The following PIWIL1 variants were observed in gnomAD, a reference collection of about 807,000 sequenced individuals.
The protein encoded by PIWIL1 is piwi-like protein 1.
PIWIL1 carries 73 observed loss-of-function variants against 114.4 expected under a neutral mutation model. That is an observed-to-expected ratio of 0.64 (90% CI 0.53 to 0.78). The LOEUF (loss-of-function observed/expected upper bound fraction) is 0.78, where lower values mean the gene tolerates loss of function less well. Among genes scored for constraint, PIWIL1 ranks in the 30% least tolerant of loss-of-function variants. PIWIL1 has a pLI of 0.00. For missense variants in PIWIL1, 723 were observed against 1,063.1 expected, an observed-to-expected ratio of 0.68 and a Z score of 4.45; for synonymous variants, 375 against 369.0, an observed-to-expected ratio of 1.02 and a Z score of -0.19.
chr12:130,408,848 G>A, the PIWIL1 span, among the ~76,000 whole-genome samples: 1 of 152,328 alleles, frequency 6.6e-6, no homozygotes, highest in South Asian at 2.1e-4. Flanking sequence ...CAGCGATGTG[G>A]CTTTTCAGTG....
At chr12:130,354,384 A>T (rs770073691) in intron 9 of PIWIL1, among the ~76,000 whole-genome samples, 153 bp from the exon 10 acceptor site, 2 of 152,260 alleles carry the variant, frequency 1.3e-5, no homozygotes, top group Admixed American at 6.5e-5. Context: ...AATGTTAAAA[A>T]AAATGCCTTT....
chr12:130,374,542 C>A (rs1159133180), downstream of PIWIL1, among the ~76,000 whole-genome samples: 1 of 152,124 alleles, frequency 6.6e-6, no homozygotes, highest in East Asian at 1.9e-4. Context: ...TCTAGGCCAC[C>A]ATTCAAAGGA....
At chr12:130,380,640 T>G in the PIWIL1 span, among the ~76,000 whole-genome samples, 2 of 152,266 alleles carry the variant, frequency 1.3e-5, no homozygotes, top group Non-Finnish European at 1.5e-5. Flanking sequence ...AGCTGATTTC[T>G]TATGTCACAT....
At chr12:130,403,884 G>C in the PIWIL1 span, among the ~76,000 whole-genome samples, 1 of 152,048 alleles carries the variant, frequency 6.6e-6, no homozygotes, top group African/African-American at 2.4e-5. Context: ...AAAATAAGCA[G>C]AGCAAACTAA....
In PIWIL1 at chr12:130,370,853, C is replaced by T. The variant is rs140432633; in HGVS notation, c.2322-323C>T. Among the ~76,000 whole-genome samples the T allele has an allele frequency of 4.4e-3, 675 of 152,176 alleles. 6 individuals carry two copies. The highest frequency in any genetic ancestry group is 0.015 in the African/African-American group (638 of 41,506). ...AGGCTCAGTCACATGGTTCGGGGGT[C>T]GGGGTGGAAAACAGGAACTGGCCAA... On this transcript the variant is annotated intron_variant, in intron 19 of 20. Coordinates refer to ENST00000245255, the MANE Select transcript of PIWIL1 (RefSeq NM_004764.5).
the PIWIL1 span, among the ~76,000 whole-genome samples, chr12:130,385,548 G>A: frequency 1.3e-5 from 2 of 152,154 alleles, no homozygotes; most frequent in African/African-American, 4.8e-5. Context: ...AGTTTAACCT[G>A]TTTTCCTGAA....
At chr12:130,343,463 T>A (rs988347694) in intron 3 of PIWIL1, among the ~76,000 whole-genome samples, 1 of 152,178 alleles carries the variant, frequency 6.6e-6, no homozygotes, top group Non-Finnish European at 1.5e-5. Context: ...CTCTCACTGC[T>A]CTTTAGGGAT....
At chr12:130,406,246 G>T in the PIWIL1 span, 1 of 1,592,224 alleles carries the variant, frequency 6.3e-7, no homozygotes, top group Non-Finnish European at 8.6e-7. Flanking sequence ...AGTTCGGCCT[G>T]TGGAGATGAA....
the PIWIL1 span, among the ~76,000 whole-genome samples, chr12:130,409,227 T>C: frequency 6.6e-6 from 1 of 151,596 alleles, no homozygotes; most frequent in African/African-American, 2.4e-5. Flanking sequence ...AGACCGGCCA[T>C]AGTCCTCTGT....
the PIWIL1 span, among the ~76,000 whole-genome samples, chr12:130,378,216 C>T: frequency 1.3e-5 from 2 of 152,174 alleles, no homozygotes; most frequent in African/African-American, 4.8e-5. Flanking sequence ...CCTCTGGAAT[C>T]TCACCTGGAG....
downstream of PIWIL1, among the ~76,000 whole-genome samples, chr12:130,377,015 C>G (rs528843141): frequency 1.3e-5 from 2 of 152,322 alleles, no homozygotes; most frequent in East Asian, 3.9e-4. Flanking sequence ...GGCACCAGCA[C>G]AGGGAAGCCC....
At chr12:130,384,716 T>C in the PIWIL1 span, among the ~76,000 whole-genome samples, 1 of 152,226 alleles carries the variant, frequency 6.6e-6, no homozygotes, top group African/African-American at 2.4e-5. Context: ...TGTTTTCATC[T>C]TTTAAAACAA....
chr12:130,395,317 G>A, the PIWIL1 span, among the ~76,000 whole-genome samples: 9 of 152,198 alleles, frequency 5.9e-5, no homozygotes, highest in African/African-American at 1.9e-4. Context: ...AGAAAAGGGA[G>A]ATTGCTGAAG....
chr12:130,412,916 C>T, the PIWIL1 span: 1 of 885,544 alleles, frequency 1.1e-6, no homozygotes, highest in South Asian at 2.0e-5. Context: ...CCATAAATCA[C>T]CTGCATAGGT....
the PIWIL1 span, chr12:130,420,829 T>C: frequency 6.6e-6 from 1 of 152,150 alleles, no homozygotes; most frequent in Non-Finnish European, 1.5e-5. The surrounding 1 kb of genome is among the most constrained non-coding windows in gnomAD (Gnocchi z 4.3). Context: ...CAAGTGCTGA[T>C]TTGTCACAGC....
Position 130,357,128 on chromosome 12 carries a change from G to A in PIWIL1, c.1592+23G>A, listed in dbSNP as rs201616850. 120 of 1,585,086 alleles carry A rather than the reference G, an allele frequency of 7.6e-5. No individual in the cohort carries two copies. The East Asian group carries it at 2.4e-3, about 32-fold the overall frequency. ...AATGTAAGTTAATCAAGTCATTTCT[G>A]CTCTGAAAATTGCTTGGCAGTCATT... On this transcript the variant is annotated intron_variant, in intron 13 of 20. Coordinates refer to ENST00000245255, the MANE Select transcript of PIWIL1 (RefSeq NM_004764.5).
chr12:130,377,794 G>A, the PIWIL1 span, among the ~76,000 whole-genome samples: 1 of 152,230 alleles, frequency 6.6e-6, no homozygotes, highest in Non-Finnish European at 1.5e-5. Context: ...CGGGCACTTT[G>A]CCCTTGGTCT....
chr12:130,399,864 A>C, the PIWIL1 span: 5 of 1,602,438 alleles, frequency 3.1e-6, no homozygotes, highest in Non-Finnish European at 4.3e-6. Context: ...CTAGAAACCC[A>C]CATCTTGCTT....
chr12:130,356,518 T>C (rs2073369865), intron 12 of PIWIL1, among the ~76,000 whole-genome samples: 1 of 152,120 alleles, frequency 6.6e-6, no homozygotes, highest in Admixed American at 6.5e-5. Flanking sequence ...TCAGATGTTT[T>C]TGTAGCTTGC....
Sources: allele counts gnomAD v4.1 joint callset (sites outside exome capture counted in the v4.1 genomes callset), GRCh38; gene constraint gnomAD v4.1.1; non-coding constraint Gnocchi (gnomAD v3.1); transcripts MANE v1.5; gene names NCBI Gene and HGNC (gene_info 2026-07-23, HGNC 2026-07-21).